Variants in CPD observed in about 807,000 individuals in gnomAD.
CPD encodes metallocarboxypeptidase D.
Under a neutral mutation model 138.3 loss-of-function variants are expected in CPD, and 69 were observed. The observed-to-expected ratio is 0.50, with a 90% CI of 0.41 to 0.61. CPD has a LOEUF of 0.61. CPD is among the 20% of genes least tolerant of loss of function. CPD has a pLI of 0.00. For synonymous variants in CPD, 651 were observed against 642.1 expected (o/e 1.01, Z -0.21); for missense variants, 1,432 against 1,733.3 (o/e 0.83, Z 3.09).
At chr17:30,400,089 T>C (rs1193592511) in intron 2 of CPD, among the ~76,000 whole-genome samples, 2 of 152,216 alleles carry the variant, frequency 1.3e-5, no homozygotes, top group African/African-American at 4.8e-5. Context: ...TTCCTGTCTT[T>C]TAGTTGGTGT....
At chr17:30,417,877 G>C (rs889339019) in intron 2 of CPD, among the ~76,000 whole-genome samples, 15 of 151,912 alleles carry the variant, frequency 9.9e-5, no homozygotes, top group African/African-American at 3.6e-4. Flanking sequence ...GCCTCCTTTA[G>C]ACCCTACTTA....
At chr17:30,416,327 C>T (rs778003183) in intron 2 of CPD, among the ~76,000 whole-genome samples, 4 of 151,796 alleles carry the variant, frequency 2.6e-5, no homozygotes, top group African/African-American at 7.3e-5. Flanking sequence ...AGCGAAAGTC[C>T]GTCTCAAAAA....
At chr17:30,421,920 G>T (rs372569125) in intron 4 of CPD, 87 bp downstream of exon 4, 3 of 1,012,898 alleles carry the variant, frequency 3.0e-6, no homozygotes, top group South Asian at 1.9e-5. Flanking sequence ...AGTACATGTT[G>T]TTTATTTTTT....
At chr17:30,408,274 T>G (rs924796297) in intron 2 of CPD, among the ~76,000 whole-genome samples, 31 of 152,332 alleles carry the variant, frequency 2.0e-4, no homozygotes, top group Admixed American at 7.8e-4. Flanking sequence ...TGCTTAGGAT[T>G]GTCTTGGCTA....
Position 30,449,667 on chromosome 17 carries a change from T to A in CPD, c.2988T>A (p.Asn996Lys). The A allele has an allele frequency of 6.2e-7, 1 of 1,608,500 alleles. No individual in the cohort carries two copies. The highest frequency in any genetic ancestry group is 2.3e-5 in the East Asian group (1 of 44,268). The stretch of plus-strand genomic sequence containing the variant: ...GTTTTGTTGCTGGTATCCATGGAAA[T>A]GCGCCAGTTGGAACTGAACTGCTTT... ...KIRFVAGIHGNAPVGTELLLA... is the reference protein window; with the variant it reads ...KIRFVAGIHGKAPVGTELLLA... Residue 996 changes from asparagine (N) to lysine (K), a missense_variant, in exon 13 of 21, where the codon AAT (asparagine) becomes AAA (lysine). By Grantham distance (94) the Asn-to-Lys change is moderately conservative. Coordinates refer to ENST00000225719, the MANE Select transcript of CPD (RefSeq NM_001304.5).
rs922508099 is a variant in CPD at position 30,461,805 on chromosome 17, T to G, written c.3631-72T>G. The G allele has an allele frequency of 1.8e-5, 23 of 1,291,648 alleles. No individual in the cohort carries two copies. The East Asian group carries it at 5.1e-4, about 29-fold the overall frequency. 80.0% of individuals were successfully genotyped at this position (1,291,648 alleles called of 1,614,324 possible). ...TTGTTTGTTTGGTTGGTTTTGGTCA[T>G]GCCTCAAGCTAGTGCCTCTACCATG... On this transcript the variant is annotated intron_variant, in intron 18 of 20. Coordinates refer to ENST00000225719, the MANE Select transcript of CPD (RefSeq NM_001304.5).
intron 10 of CPD, among the ~76,000 whole-genome samples, chr17:30,442,955 G>A (rs1912917371): frequency 6.6e-6 from 1 of 152,026 alleles, no homozygotes; most frequent in South Asian, 2.1e-4. Flanking sequence ...CTTTCTGCCA[G>A]TACATTTCTG....
intron 2 of CPD, among the ~76,000 whole-genome samples, chr17:30,409,325 T>G (rs1419038352): frequency 6.6e-6 from 1 of 151,882 alleles, no homozygotes; most frequent in African/African-American, 2.4e-5. Flanking sequence ...TCTCTTTTTT[T>G]GTTGTGTCTC....
At chr17:30,459,237 T>A (rs946620547) in intron 17 of CPD, among the ~76,000 whole-genome samples, 20 of 149,562 alleles carry the variant, frequency 1.3e-4, no homozygotes, top group African/African-American at 4.1e-4. Context: ...ATTATTTATT[T>A]TTTTATTATA....
At position 30,438,957 on chromosome 17, in the gene CPD, T is replaced by C. The variant is rs1912776404; in HGVS notation, c.2128-18T>C. 1 of 1,405,362 alleles carries C rather than the reference T, an allele frequency of 7.1e-7. No individual in the cohort carries two copies. Among genetic ancestry groups the C allele is most frequent in the Non-Finnish European group, 9.8e-7 (1 of 1,024,598 alleles). 87.1% of individuals were successfully genotyped at this position (1,405,362 alleles called of 1,614,324 possible). Reference sequence around the variant, plus strand: ...AGATACAAACAAATAGAAGTAAAGATTCTTTTTGTTTTTCCAGGAAAATTC... The same window carrying C: ...AGATACAAACAAATAGAAGTAAAGACTCTTTTTGTTTTTCCAGGAAAATTC... On this transcript the variant is annotated intron_variant, in intron 8 of 20. Coordinates refer to ENST00000225719, the MANE Select transcript of CPD (RefSeq NM_001304.5).
intron 2 of CPD, among the ~76,000 whole-genome samples, chr17:30,388,003 C>T (rs1911239793): frequency 6.6e-6 from 1 of 152,162 alleles, no homozygotes; most frequent in Admixed American, 6.5e-5. Context: ...AAGTGTTCAG[C>T]CCTCAGCACA....
chr17:30,403,478 C>G (rs1911728308), intron 2 of CPD, among the ~76,000 whole-genome samples: 1 of 152,120 alleles, frequency 6.6e-6, no homozygotes, highest in African/African-American at 2.4e-5. Flanking sequence ...CTTCCAGGGT[C>G]TCCAGTATAG....
intron 10 of CPD, among the ~76,000 whole-genome samples, chr17:30,442,708 G>A (rs1912910894): frequency 3.3e-5 from 5 of 152,106 alleles, no homozygotes; most frequent in Admixed American, 3.3e-4. Flanking sequence ...TTGCTCTTAA[G>A]GGTTAGTGGT....
chr17:30,427,515 G>A lies in CPD; in HGVS notation c.1974G>A (p.Trp658Ter). 6 of 1,614,148 alleles carry A rather than the reference G, an allele frequency of 3.7e-6. No homozygotes were observed. The highest frequency in any genetic ancestry group is 5.1e-6 in the Non-Finnish European group (6 of 1,180,014). ...CAGAAACTATTGCTGTAATGAGCTG[G>A]ATGAAGTCCTATCCATTTGTACTTT... ...TQPETIAVMS[W>*]MKSYPFVLSA... Residue 658 changes from tryptophan to a stop codon, truncating the protein, a stop_gained, in exon 7 of 21, where the codon TGG becomes TGA. Coordinates refer to ENST00000225719, the MANE Select transcript of CPD (RefSeq NM_001304.5). LOFTEE classifies it high-confidence loss of function.
chr17:30,433,949 A>G (rs1237739652), intron 8 of CPD, among the ~76,000 whole-genome samples: 2 of 152,288 alleles, frequency 1.3e-5, no homozygotes, highest in South Asian at 2.1e-4. Flanking sequence ...ATCTTATTTT[A>G]TAAATGAGGA....
At position 30,428,882 on chromosome 17, in the gene CPD, T is replaced by TAAA. The variant is rs34217907; in HGVS notation, c.2017+1334_2017+1336dup. Among the ~76,000 whole-genome samples the TAAA allele has an allele frequency of 1.1e-3, 166 of 146,728 alleles. 1 individual carries two copies. In the Middle Eastern group the frequency reaches 0.017, roughly 15 times the overall value. ...ATTTGAATTACATCAGTAAAACTAC[T>TAAA]AAAAAAAAAAAAGTGACAAGTATTA... On this transcript the variant is annotated intron_variant, in intron 7 of 20. Transcript: ENST00000225719.
chr17:30,450,723 G>T (rs1016752447), intron 13 of CPD, among the ~76,000 whole-genome samples: 2 of 152,290 alleles, frequency 1.3e-5, no homozygotes, highest in South Asian at 4.1e-4. Context: ...GCTGGGCCTT[G>T]TGGTGCACAC....
chr17:30,456,107 A>G (rs920798757), intron 15 of CPD, 149 bp from the exon 16 acceptor site: 2 of 614,648 alleles, frequency 3.3e-6, no homozygotes, highest in African/African-American at 3.7e-5. Flanking sequence ...GCTAAATAAA[A>G]CCTTTTAGGG....
At chr17:30,416,884 C>T (rs923413766) in intron 2 of CPD, among the ~76,000 whole-genome samples, 8 of 151,980 alleles carry the variant, frequency 5.3e-5, no homozygotes, top group Non-Finnish European at 8.8e-5. Flanking sequence ...GGGTGGATCA[C>T]GAGGTCAAGA....
Sources: gnomAD v4.1 joint callset for allele counts (sites outside exome capture counted in the v4.1 genomes callset) on GRCh38, gnomAD v4.1.1 for gene constraint, MANE v1.5 for transcripts, NCBI Gene and HGNC (gene_info 2026-07-23, HGNC 2026-07-21) for gene names.